Variants in TRIB2 observed in about 807,000 individuals in gnomAD.
TRIB2 encodes the protein tribbles pseudokinase 2.
TRIB2 carries 2 observed loss-of-function variants against 26.8 expected under a neutral mutation model. The observed-to-expected ratio is 0.07, with a 90% CI of 0.03 to 0.24. The LOEUF (loss-of-function observed/expected upper bound fraction) is 0.24, where lower values mean the gene tolerates loss of function less well. Among genes scored for constraint, TRIB2 ranks in the 10% least tolerant of loss-of-function variants. TRIB2 has a pLI of 1.00. For missense variants in TRIB2, 306 were observed against 449.0 expected (o/e 0.68, Z 2.88); for synonymous variants, 189 against 187.3 (o/e 1.01, Z -0.08).
Position 12,718,290 on chromosome 2 carries a change from T to C in TRIB2, c.-18T>C. The C allele has an allele frequency of 6.2e-7, 1 of 1,600,090 alleles. No homozygotes were observed. Among genetic ancestry groups the C allele is most frequent in the Non-Finnish European group, 8.6e-7 (1 of 1,169,428 alleles). On this transcript the variant is annotated 5_prime_UTR_variant, in exon 1 of 3. Coordinates refer to ENST00000155926, the MANE Select transcript of TRIB2 (RefSeq NM_021643.4). This position sits in a 1 kb window ranked among gnomAD's most constrained non-coding sequence, Gnocchi z 4.0. ...CCAGCGGGTTTTTTTTTGTTTGTCG[T>C]GTGCGATCCTCACACTCATGAACAT... is the stretch of plus-strand genomic sequence containing the variant.
intron 2 of TRIB2, among the ~76,000 whole-genome samples, chr2:12,723,880 A>G (rs1298244174): frequency 6.6e-6 from 1 of 152,238 alleles, no homozygotes; most frequent in Non-Finnish European, 1.5e-5. Flanking sequence ...CAGGGCCTTG[A>G]AAATTCTACC....
intron 1 of TRIB2, among the ~76,000 whole-genome samples, chr2:12,720,534 C>T (rs565771267): frequency 6.6e-6 from 1 of 152,188 alleles, no homozygotes; most frequent in African/African-American, 2.4e-5. Flanking sequence ...TCTGAACTGC[C>T]CTGAGAGATA....
In TRIB2 at chr2:12,735,485, G is replaced by A. The variant is rs144550061; in HGVS notation, c.564-4841G>A. 3.5e-4 allele frequency among the ~76,000 whole-genome samples: 54 copies of A among 152,162 alleles called. 1 individual carries two copies. Among genetic ancestry groups the A allele is most frequent in the African/African-American group, 1.2e-3 (51 of 41,514 alleles). On this transcript the variant is annotated intron_variant, in intron 2 of 2. Coordinates refer to ENST00000155926, the MANE Select transcript of TRIB2 (RefSeq NM_021643.4). Reference sequence around the variant, plus strand: ...TTGAGTAGGTGGGGTCAGGCCTAAGGAAGGTGAGCACCCAGCCACTGCCTT... The same window carrying A: ...TTGAGTAGGTGGGGTCAGGCCTAAGAAAGGTGAGCACCCAGCCACTGCCTT...
At chr2:12,719,602 G>A (rs1661148504) in intron 1 of TRIB2, among the ~76,000 whole-genome samples, 1 of 142,010 alleles carries the variant, frequency 7.0e-6, no homozygotes, top group Non-Finnish European at 1.5e-5. Flanking sequence ...GAGGGGGTAA[G>A]GGGAGAGTGG....
chr2:12,736,819 T>C (rs1661587124), intron 2 of TRIB2, among the ~76,000 whole-genome samples: 1 of 152,178 alleles, frequency 6.6e-6, no homozygotes, highest in Admixed American at 6.5e-5. Context: ...TAATGATACA[T>C]AGTAAATCAT....
At chr2:12,736,925 C>T (rs754925460) in intron 2 of TRIB2, among the ~76,000 whole-genome samples, 3 of 152,160 alleles carry the variant, frequency 2.0e-5, no homozygotes, top group Non-Finnish European at 4.4e-5. Flanking sequence ...AACCTTCATT[C>T]GAGCAGAGGC....
intron 2 of TRIB2, among the ~76,000 whole-genome samples, chr2:12,725,163 A>G (rs139145997): frequency 1.3e-3 from 194 of 152,338 alleles, no homozygotes; most frequent in Non-Finnish European, 2.2e-3. Context: ...GGGGACAGCA[A>G]ATGCCCTCTC....
intron 2 of TRIB2, chr2:12,724,479 T>A: frequency 7.5e-7 from 1 of 1,332,620 alleles, no homozygotes; most frequent in Non-Finnish European, 1.0e-6. Flanking sequence ...CTCACCGTAG[T>A]TCCTGAATGA....
At position 12,740,513 on chromosome 2, in the gene TRIB2, C is replaced by A. The variant is rs186204534; in HGVS notation, c.751C>A (p.Arg251=). 6.2e-6 allele frequency: 10 copies of A among 1,614,098 alleles called. No individual in the cohort carries two copies. In the East Asian group the frequency reaches 2.2e-4, roughly 36 times the overall value. ...GATGCTGTACACCATGTTGGTGGGG[C>A]GGTACCCTTTCCATGACATTGAACC... ...GVMLYTMLVG[R]YPFHDIEPSS... Residue 251 remains arginine, a synonymous_variant, in exon 3 of 3, where the codon CGG becomes AGG. Coordinates refer to ENST00000155926, the MANE Select transcript of TRIB2 (RefSeq NM_021643.4). The surrounding 1 kb of genome is among the most constrained non-coding windows in gnomAD (Gnocchi z 5.8).
chr2:12,740,868 A>C lies in TRIB2; in HGVS notation c.*74A>C. 7.3e-7 allele frequency: 1 copy of C among 1,373,062 alleles called. No individual in the cohort carries two copies. The highest frequency in any genetic ancestry group is 1.0e-6 in the Non-Finnish European group (1 of 994,640). The allele number at this position is 1,373,062 out of a possible 1,614,324, so 85.1% of individuals were successfully genotyped here. A position where few individuals can be genotyped will look rare whatever the true frequency, so the allele number is the denominator to read the frequency against. The stretch of plus-strand genomic sequence containing the variant: ...GCGGAAAGGAGTTCTTCCGGGGGAC[A>C]CGAATTGCCTGGCTGAGTAGCAAGA... On this transcript the variant is annotated 3_prime_UTR_variant, in exon 3 of 3. Transcript: ENST00000155926. The surrounding 1 kb of genome is among the most constrained non-coding windows in gnomAD (Gnocchi z 5.8).
At chr2:12,737,259 G>T (rs1661601182) in intron 2 of TRIB2, 1 of 154,326 alleles carries the variant, frequency 6.5e-6, no homozygotes, top group South Asian at 2.0e-4. Flanking sequence ...CCCACAGATG[G>T]GAGAGCTTGT....
Position 12,732,921 on chromosome 2 carries a change from C to T in TRIB2, c.564-7405C>T, listed in dbSNP as rs574238235. Among the ~76,000 whole-genome samples the T allele has an allele frequency of 6.6e-6, 1 of 152,312 alleles. No individual in the cohort carries two copies. The highest frequency in any genetic ancestry group is 6.5e-5 in the Admixed American group (1 of 15,308). On this transcript the variant is annotated intron_variant, in intron 2 of 2. Coordinates refer to ENST00000155926, the MANE Select transcript of TRIB2 (RefSeq NM_021643.4). This position sits in a 1 kb window ranked among gnomAD's most constrained non-coding sequence, Gnocchi z 4.2. ...GACTGGACGGCCTTCAGTGACTTCT[C>T]TGGATTTCACTGACCTTAGGCCACC... is the stretch of plus-strand genomic sequence containing the variant.
At position 12,732,874 on chromosome 2, in the gene TRIB2, C is replaced by G. The variant is rs1170229718; in HGVS notation, c.564-7452C>G. 6.6e-6 allele frequency among the ~76,000 whole-genome samples: 1 copy of G among 152,180 alleles called. No individual in the cohort carries two copies. The highest frequency in any genetic ancestry group is 6.5e-5 in the Admixed American group (1 of 15,286). On this transcript the variant is annotated intron_variant, in intron 2 of 2. Transcript: ENST00000155926. The surrounding 1 kb of genome is among the most constrained non-coding windows in gnomAD (Gnocchi z 4.2). ...CAGCAGCTGACCTTTTCACTTGACC[C>G]TTAAGCCTATCTGGACCGCCTGACT... is the stretch of plus-strand genomic sequence containing the variant.
chr2:12,740,638 G>A lies in TRIB2; in HGVS notation c.876G>A (p.Glu292=). Residue 292 remains glutamate (E), a synonymous_variant, in exon 3 of 3, where the codon GAG becomes GAA. Transcript: ENST00000155926. The surrounding 1 kb of genome is among the most constrained non-coding windows in gnomAD (Gnocchi z 5.8). ...KCLIRSILRR[E]PSERLTSQEI... is the part of the protein sequence containing the mutation. Reference sequence around the variant, plus strand: ...TCATCCGAAGCATTCTGCGTCGGGAGCCCTCAGAGCGGCTGACCTCGCAGG... The same window carrying A: ...TCATCCGAAGCATTCTGCGTCGGGAACCCTCAGAGCGGCTGACCTCGCAGG... 6.2e-7 allele frequency: 1 copy of A among 1,614,188 alleles called. No homozygotes were observed. The highest frequency in any genetic ancestry group is 8.5e-7 in the Non-Finnish European group (1 of 1,180,034).
chr2:12,739,971 T>C (rs1661678211), intron 2 of TRIB2, among the ~76,000 whole-genome samples: 1 of 152,204 alleles, frequency 6.6e-6, no homozygotes, highest in African/African-American at 2.4e-5. Context: ...CCTATCATTA[T>C]GCAAATGTGA....
chr2:12,727,792 C>T (rs1215120158), intron 2 of TRIB2, among the ~76,000 whole-genome samples: 1 of 152,206 alleles, frequency 6.6e-6, no homozygotes, highest in African/African-American at 2.4e-5. Context: ...CACCTGGCCA[C>T]ACCCTGTGCA....
chr2:12,733,227 C>T (rs1022227387), intron 2 of TRIB2, among the ~76,000 whole-genome samples: 4 of 152,290 alleles, frequency 2.6e-5, no homozygotes, highest in African/African-American at 7.2e-5. Flanking sequence ...TTTCTTCATC[C>T]GGTAAATGGG....
intron 2 of TRIB2, among the ~76,000 whole-genome samples, chr2:12,733,844 C>T (rs1056522149): frequency 2.0e-5 from 3 of 151,692 alleles, no homozygotes; most frequent in Non-Finnish European, 2.9e-5. Context: ...AACTTAGTGG[C>T]GCAAGGGAGC....
intron 2 of TRIB2, among the ~76,000 whole-genome samples, chr2:12,724,240 G>A (rs1386580016): frequency 6.6e-6 from 1 of 152,200 alleles, no homozygotes; most frequent in Non-Finnish European, 1.5e-5. Flanking sequence ...GGAAACTGCT[G>A]ATGCAAATGC....
Sources: gnomAD v4.1 joint callset for allele counts (sites outside exome capture counted in the v4.1 genomes callset) on GRCh38, gnomAD v4.1.1 for gene constraint, Gnocchi (gnomAD v3.1) non-coding constraint, MANE v1.5 for transcripts, NCBI Gene and HGNC (gene_info 2026-07-23, HGNC 2026-07-21) for gene names.